The following ADGRB3 variants were observed in gnomAD, a reference collection of about 807,000 sequenced individuals.
ADGRB3 encodes adhesion G protein-coupled receptor B3.
In ADGRB3, 37 loss-of-function variants were observed where a neutral mutation model predicts 193.4. The observed-to-expected ratio is 0.19, with a 90% confidence interval of 0.15 to 0.25. The LOEUF (loss-of-function observed/expected upper bound fraction) is 0.25. Ranked by LOEUF, ADGRB3 falls within the 10% of genes least tolerant of loss-of-function variation. The pLI is 1.00. For missense variants in ADGRB3, 1,637 were observed against 1,852.9 expected, an observed-to-expected ratio of 0.88 and a Z score of 2.14; for synonymous variants, 690 against 644.2, an observed-to-expected ratio of 1.07 and a Z score of -1.08.
chr6:69,102,932 TA>T (rs1357807803), intron 17 of ADGRB3, among the ~76,000 whole-genome samples: 3 of 152,212 alleles, frequency 2.0e-5, no homozygotes, highest in Middle Eastern at 6.3e-3. Context: ...TAGACAACCA[TA>T]GAATCAAAAG....
chr6:68,679,739 A>C lies in ADGRB3; in HGVS notation c.757+40307A>C, dbSNP rs116502641. 3.2e-3 allele frequency among the ~76,000 whole-genome samples: 480 copies of C among 152,256 alleles called. 4 individuals carry two copies. Among genetic ancestry groups the C allele is most frequent in the African/African-American group, 0.011 (469 of 41,550 alleles). On this transcript the variant is annotated intron_variant, in intron 3 of 31. Coordinates refer to ENST00000370598, the MANE Select transcript of ADGRB3 (RefSeq NM_001704.3). ...GGGCCATCTTTTTTTTTAATAGAGA[A>C]ACAAGTAAACCAAAATACACTTTAG...
At chr6:68,937,468 C>T (rs1457103326) in intron 5 of ADGRB3, among the ~76,000 whole-genome samples, 1 of 152,168 alleles carries the variant, frequency 6.6e-6, no homozygotes, top group Non-Finnish European at 1.5e-5. Flanking sequence ...CCAGATTTAT[C>T]TTTTTGTCTA....
At chr6:68,769,371 A>G (rs1766571887) in intron 3 of ADGRB3, among the ~76,000 whole-genome samples, 1 of 152,224 alleles carries the variant, frequency 6.6e-6, no homozygotes, top group African/African-American at 2.4e-5. Context: ...AAAAAAGATG[A>G]GTTCATGTCC....
At chr6:69,053,345 A>G (rs901176371) in intron 15 of ADGRB3, among the ~76,000 whole-genome samples, 4 of 152,224 alleles carry the variant, frequency 2.6e-5, no homozygotes, top group Admixed American at 1.3e-4. Context: ...TTATAATACA[A>G]CTTATCTTGT....
At position 68,940,547 on chromosome 6, in the gene ADGRB3, C is replaced by CTTTTTT; in HGVS notation, c.1031-3267_1031-3262dup. ...CTGCAGGCTAAGGAATGCTTTTGAA[C>CTTTTTT]TTTTTTTTTTTTTTTTTTTTTGCTA... On this transcript the variant is annotated intron_variant, in intron 5 of 31. Coordinates refer to ENST00000370598, the MANE Select transcript of ADGRB3 (RefSeq NM_001704.3). 9.3e-3 allele frequency among the ~76,000 whole-genome samples: 641 copies of CTTTTTT among 69,160 alleles called. 55 individuals are homozygous for CTTTTTT. In the Middle Eastern group the frequency reaches 0.12, roughly 13 times the overall value. 45.4% of individuals were successfully genotyped at this position (69,160 alleles called of 152,430 possible). A position where few individuals can be genotyped will look rare whatever the true frequency, so the allele number is the denominator to read the frequency against.
chr6:68,922,455 A>C (rs1025129395), intron 3 of ADGRB3, among the ~76,000 whole-genome samples: 1 of 152,240 alleles, frequency 6.6e-6, no homozygotes, highest in African/African-American at 2.4e-5. Flanking sequence ...TGATTTGAGA[A>C]AATGTCTTGA....
intron 30 of ADGRB3, among the ~76,000 whole-genome samples, chr6:69,382,265 A>G (rs1443445844): frequency 1.3e-5 from 2 of 151,966 alleles, no homozygotes; most frequent in Admixed American, 1.3e-4. Context: ...TTTTCCCCCT[A>G]AGAAGCTCAA....
intron 3 of ADGRB3, among the ~76,000 whole-genome samples, chr6:68,644,527 T>C (rs1337541274): frequency 6.6e-6 from 1 of 152,108 alleles, no homozygotes; most frequent in Non-Finnish European, 1.5e-5. Context: ...AATCCTCTCC[T>C]CCACACTTTG....
At chr6:69,315,763 A>G (rs190889500) in intron 20 of ADGRB3, among the ~76,000 whole-genome samples, 7 of 151,574 alleles carry the variant, frequency 4.6e-5, no homozygotes, top group Admixed American at 4.6e-4. Flanking sequence ...TTTATTTATT[A>G]TAGGCAAATC....
rs538524204 is a variant in ADGRB3, at chr6:69,321,025, C to T, written c.2815-3847C>T. Among the ~76,000 whole-genome samples, 39 of 151,874 alleles carry T rather than the reference C, an allele frequency of 2.6e-4. 1 individual carries two copies. The South Asian group carries it at 7.9e-3, about 31-fold the overall frequency. On this transcript the variant is annotated intron_variant, in intron 20 of 31. Transcript: ENST00000370598. ...TCATCCATGCATTATGACCTTTCTACTTCCCATGTCTTCATTCCTGCTCCC... is the reference window on the plus strand; with the variant it reads ...TCATCCATGCATTATGACCTTTCTATTTCCCATGTCTTCATTCCTGCTCCC...
chr6:68,848,583 G>A (rs1440771855), intron 3 of ADGRB3, among the ~76,000 whole-genome samples: 4 of 151,850 alleles, frequency 2.6e-5, no homozygotes. Context: ...TTCTTTCTCA[G>A]ACCAATCACA....
At chr6:69,043,164 A>C (rs1035856443) in intron 13 of ADGRB3, among the ~76,000 whole-genome samples, 7 of 151,940 alleles carry the variant, frequency 4.6e-5, no homozygotes, top group Admixed American at 4.6e-4. Context: ...TTGTGTTCCC[A>C]AATAAGGCAG....
intron 20 of ADGRB3, among the ~76,000 whole-genome samples, chr6:69,310,647 A>G (rs1424974181): frequency 6.6e-6 from 1 of 151,772 alleles, no homozygotes; most frequent in East Asian, 1.9e-4. Flanking sequence ...ACACAGGTGT[A>G]TGCCATAATT....
chr6:68,944,055 T>G lies in ADGRB3; in HGVS notation c.1195+61T>G, dbSNP rs185065913. The G allele has an allele frequency of 1.6e-4, 245 of 1,491,812 alleles. 2 individuals are homozygous for G. In the East Asian group the frequency reaches 4.8e-3, roughly 30 times the overall value. The allele number at this position is 1,491,812 out of a possible 1,614,324, so 92.4% of individuals were successfully genotyped here. A position where few individuals can be genotyped will look rare whatever the true frequency, so the allele number is the denominator to read the frequency against. ...TGTGCTTTTTATATGATTCCTAGTG[T>G]ACACAAGAAATATTAAGAGTACAAC... On this transcript the variant is annotated intron_variant, in intron 6 of 31. Coordinates refer to ENST00000370598, the MANE Select transcript of ADGRB3 (RefSeq NM_001704.3).
intron 20 of ADGRB3, among the ~76,000 whole-genome samples, chr6:69,296,379 A>G (rs1237052024): frequency 1.3e-5 from 2 of 152,080 alleles, no homozygotes; most frequent in Admixed American, 6.6e-5. Flanking sequence ...ATTTTTACTC[A>G]TTTTATCTTT....
intron 15 of ADGRB3, among the ~76,000 whole-genome samples, chr6:69,052,573 C>T (rs915123032): frequency 9.2e-5 from 14 of 152,122 alleles, no homozygotes; most frequent in African/African-American, 2.9e-4. Context: ...CTCATAGAGA[C>T]TATGAAGGAG....
intron 17 of ADGRB3, 72 bp from the exon 18 acceptor site, chr6:69,233,218 A>G (rs1320398331): frequency 3.2e-6 from 5 of 1,569,392 alleles, no homozygotes; most frequent in Non-Finnish European, 4.3e-6. Flanking sequence ...ATTAAACTGC[A>G]TTTTCTTCTT....
In ADGRB3 at chr6:68,643,897, A is replaced by G. The variant is rs1202446275; in HGVS notation, c.757+4465A>G. Among the ~76,000 whole-genome samples, 3 of 150,366 alleles carry G rather than the reference A, an allele frequency of 2.0e-5. No individual in the cohort carries two copies. In the East Asian group the frequency reaches 5.9e-4, roughly 30 times the overall value. ...CAGTGAGCCGAGATCGCACCACTGC[A>G]CTCCAGCCTGGGTGACAGAGCAAGA... On this transcript the variant is annotated intron_variant, in intron 3 of 31. Transcript: ENST00000370598.
chr6:69,275,364 A>G (rs1234143757), intron 20 of ADGRB3, among the ~76,000 whole-genome samples: 1 of 152,196 alleles, frequency 6.6e-6, no homozygotes, highest in Non-Finnish European at 1.5e-5. Context: ...CATTAAAAAA[A>G]CTAAAAAGAA....
Sources: gnomAD v4.1 joint callset for allele counts (sites outside exome capture counted in the v4.1 genomes callset) on GRCh38, gnomAD v4.1.1 for gene constraint, MANE v1.5 for transcripts, NCBI Gene and HGNC (gene_info 2026-07-23, HGNC 2026-07-21) for gene names.